Variants in ANKRD44 observed in about 807,000 individuals in gnomAD.
ANKRD44 encodes the protein serine/threonine-protein phosphatase 6 regulatory ankyrin repeat subunit B.
Under a neutral mutation model 116.0 loss-of-function variants are expected in ANKRD44, and 35 were observed. That is an observed-to-expected ratio of 0.30 (90% confidence interval 0.23 to 0.40). The LOEUF (loss-of-function observed/expected upper bound fraction) is 0.40, where lower values mean the gene tolerates loss of function less well. Among genes scored for constraint, ANKRD44 ranks in the 10% least tolerant of loss-of-function variants. ANKRD44 has a pLI of 1.00. For missense variants in ANKRD44, 1,014 were observed against 1,242.6 expected, an observed-to-expected ratio of 0.82 and a Z score of 2.77; for synonymous variants, 435 against 461.8, an observed-to-expected ratio of 0.94 and a Z score of 0.74.
intron 2 of ANKRD44, among the ~76,000 whole-genome samples, chr2:197,159,952 T>C (rs1284259549): frequency 1.3e-5 from 2 of 152,206 alleles, no homozygotes; most frequent in Non-Finnish European, 2.9e-5. Context: ...AAGAACCTGC[T>C]TCATCCTCCT....
intron 1 of ANKRD44, among the ~76,000 whole-genome samples, chr2:197,192,837 C>T (rs1483333534): frequency 1.3e-5 from 2 of 152,244 alleles, no homozygotes; most frequent in Non-Finnish European, 2.9e-5. Flanking sequence ...AAATCTGTTC[C>T]TCTTAAGTAC....
chr2:197,166,517 G>A (rs2080104573), intron 2 of ANKRD44, among the ~76,000 whole-genome samples: 2 of 152,212 alleles, frequency 1.3e-5, no homozygotes, highest in South Asian at 4.1e-4. Flanking sequence ...TAAGGATATG[G>A]CTACAGAATT....
At chr2:197,074,845 C>T (rs111846921) in intron 16 of ANKRD44, among the ~76,000 whole-genome samples, 11 of 152,076 alleles carry the variant, frequency 7.2e-5, no homozygotes, top group African/African-American at 2.4e-4. Context: ...TTCTAAAGTC[C>T]GGTGATAAAC....
intron 16 of ANKRD44, among the ~76,000 whole-genome samples, chr2:197,063,299 CT>C (rs1240557885): frequency 2.0e-5 from 3 of 152,212 alleles, no homozygotes; most frequent in Admixed American, 6.5e-5. Flanking sequence ...AAAACCCCAT[CT>C]GTACGTCACC....
intron 21 of ANKRD44, among the ~76,000 whole-genome samples, chr2:196,968,093 T>C (rs2075688006): frequency 6.6e-6 from 1 of 152,212 alleles, no homozygotes; most frequent in South Asian, 2.1e-4. Flanking sequence ...TAAACCTCTT[T>C]TCTTTGTAAA....
chr2:197,219,546 C>T (rs2081537155), intron 1 of ANKRD44, among the ~76,000 whole-genome samples: 1 of 152,078 alleles, frequency 6.6e-6, no homozygotes. Context: ...CTAATAAATG[C>T]ATCATATACA....
chr2:197,229,888 C>T (rs1036200865), intron 1 of ANKRD44, among the ~76,000 whole-genome samples: 2 of 152,154 alleles, frequency 1.3e-5, no homozygotes, highest in African/African-American at 4.8e-5. Flanking sequence ...AAAGGAGTAA[C>T]TCCCTTGTGC....
intron 1 of ANKRD44, among the ~76,000 whole-genome samples, chr2:197,309,584 C>A (rs998866452): frequency 4.6e-5 from 7 of 152,184 alleles, no homozygotes; most frequent in Non-Finnish European, 8.8e-5. Context: ...CAAGGGCTGG[C>A]AAGTCTGACC....
intron 16 of ANKRD44, among the ~76,000 whole-genome samples, chr2:197,033,642 A>T (rs1172241670): frequency 2.7e-5 from 4 of 147,422 alleles, no homozygotes; most frequent in Non-Finnish European, 5.9e-5. Context: ...GGCAGGAAAC[A>T]AAGAGAATTA....
intron 21 of ANKRD44, among the ~76,000 whole-genome samples, chr2:196,980,011 A>T (rs2075789837): frequency 6.6e-6 from 1 of 152,216 alleles, no homozygotes; most frequent in African/African-American, 2.4e-5. Flanking sequence ...AATATACACT[A>T]GAAAATATGT....
chr2:197,281,929 T>C (rs1389402254), intron 1 of ANKRD44, among the ~76,000 whole-genome samples: 1 of 152,192 alleles, frequency 6.6e-6, no homozygotes, highest in East Asian at 1.9e-4. Flanking sequence ...GTGTTCTGTC[T>C]GAAGCCACGT....
intron 16 of ANKRD44, among the ~76,000 whole-genome samples, chr2:197,057,334 C>T (rs112498713): frequency 0.04 from 6,143 of 152,162 alleles, 161 homozygotes; most frequent in Middle Eastern, 0.082. Context: ...TTAGCTGTTA[C>T]GTATTATCTT....
chr2:197,152,735 C>G lies in ANKRD44; in HGVS notation c.112-5630G>C, dbSNP rs115773213. Reference sequence around the variant, plus strand: ...GTAGACAGGCAGACTGAGGGGCACCCTACGCCTGTTTTGAAGATTAAGAAT... The same window carrying G: ...GTAGACAGGCAGACTGAGGGGCACCGTACGCCTGTTTTGAAGATTAAGAAT... On this transcript the variant is annotated intron_variant, in intron 2 of 27. Transcript: ENST00000282272. Among the ~76,000 whole-genome samples the G allele has an allele frequency of 1.3e-3, 192 of 152,262 alleles. 1 individual carries two copies. Among genetic ancestry groups the G allele is most frequent in the African/African-American group, 4.6e-3 (189 of 41,534 alleles).
At chr2:197,182,973 G>C (rs2080548407) in intron 2 of ANKRD44, among the ~76,000 whole-genome samples, 1 of 152,078 alleles carries the variant, frequency 6.6e-6, no homozygotes, top group South Asian at 2.1e-4. Flanking sequence ...GAAGTGAGAA[G>C]TAGGACAACT....
At chr2:197,187,809 C>T (rs775679055) in intron 1 of ANKRD44, among the ~76,000 whole-genome samples, 21 of 152,200 alleles carry the variant, frequency 1.4e-4, no homozygotes, top group Admixed American at 2.0e-4. Context: ...TGATTTTGGA[C>T]TTCCAACCTC....
chr2:197,280,254 T>C (rs1215858858), intron 1 of ANKRD44, among the ~76,000 whole-genome samples: 2 of 151,968 alleles, frequency 1.3e-5, no homozygotes, highest in African/African-American at 4.8e-5. Context: ...GAAATTAGCA[T>C]AAAGAAAAAA....
At chr2:196,982,106 A>AGTTTT, downstream of ANKRD44, among the ~76,000 whole-genome samples, 1 of 104,864 alleles carries the variant, frequency 9.5e-6, no homozygotes, top group African/African-American at 3.8e-5. Context: ...TACTAAAAAA[A>AGTTTT]ATTATATATA....
intron 11 of ANKRD44, 32 bp downstream of exon 11, chr2:197,089,918 T>A (rs1375860852): frequency 6.3e-7 from 1 of 1,594,150 alleles, no homozygotes; most frequent in Non-Finnish European, 8.6e-7. Context: ...CAGGACACAT[T>A]AAGCCTCATC....
chr2:197,089,886 C>A, intron 11 of ANKRD44, 64 bp downstream of exon 11: 2 of 1,438,330 alleles, frequency 1.4e-6, no homozygotes, highest in South Asian at 2.3e-5. Context: ...TGACCAGACA[C>A]CTGAAGCCAT....
Sources: gnomAD v4.1 joint callset for allele counts (sites outside exome capture counted in the v4.1 genomes callset) on GRCh38, gnomAD v4.1.1 for gene constraint, MANE v1.5 for transcripts, NCBI Gene and HGNC (gene_info 2026-07-23, HGNC 2026-07-21) for gene names.